Variants in XIST observed in about 807,000 individuals in gnomAD.
The protein encoded by XIST is X inactive specific transcript (non-protein coding).
At chrX:73,848,776 G>T (rs756540703) in exon 1 of XIST, 1 of 557,033 alleles carries the variant, frequency 1.8e-6, no homozygotes, top group Admixed American at 2.2e-5. Flanking sequence ...AACTTGGGTA[G>T]TCAGAACTCA....
At chrX:73,827,741 G>A (rs1302364896) in exon 6 of XIST, 2 of 546,923 alleles carry the variant, frequency 3.7e-6, no homozygotes, top group Non-Finnish European at 3.3e-6. Flanking sequence ...GACCCAAAAA[G>A]GAGACATGAA....
chrX:73,847,657 C>T, exon 1 of XIST: 1 of 522,677 alleles, frequency 1.9e-6, no homozygotes, highest in Non-Finnish European at 3.4e-6. Context: ...CAGTTCTAAT[C>T]AATTAGACAT....
At position 73,843,319 on chromosome X, in the gene XIST, C is replaced by T. The variant is rs369665796; in HGVS notation, n.9405G>A. On this transcript the variant is annotated non_coding_transcript_exon_variant, in exon 1 of 6. Coordinates refer to ENST00000429829, the Ensembl canonical transcript of XIST. ...GGGTCAGTACCCCCGATGTAAGCAA[C>T]GAGGAAGCAGGAGTCTTATCTAATG... 5.6e-5 allele frequency: 31 copies of T among 556,477 alleles called. No individual in the cohort carries two copies. The African/African-American group carries it at 5.6e-4, about 10-fold the overall frequency. 45.9% of individuals were successfully genotyped at this position (556,477 alleles called of 1,213,427 possible).
chrX:73,847,665 C>T (rs1042685438), exon 1 of XIST: 5 of 525,929 alleles, frequency 9.5e-6, no homozygotes, highest in Admixed American at 5.1e-5. Flanking sequence ...ATCAATTAGA[C>T]ATTTGAAATG....
Position 73,844,429 on chromosome X carries a change from CAA to C in XIST, n.8293_8294del, listed in dbSNP as rs752911364. 5.4e-6 allele frequency: 3 copies of C among 556,617 alleles called. No homozygotes were observed. The East Asian group carries it at 9.8e-5, about 18-fold the overall frequency. 45.9% of individuals were successfully genotyped at this position (556,617 alleles called of 1,213,427 possible). ...TACACAAGAATATAGACAAGCCAAG[CAA>C]AGAGGCCTCAGTGATCAGCACCCCA... is the stretch of plus-strand genomic sequence containing the variant. On this transcript the variant is annotated non_coding_transcript_exon_variant, in exon 1 of 6. Transcript: ENST00000429829.
Position 73,828,126 on chromosome X carries a change from T to A in XIST, n.11917-142A>T, listed in dbSNP as rs1044980744. The A allele has an allele frequency of 7.0e-6, 3 of 430,644 alleles. No homozygotes were observed. The African/African-American group carries it at 7.4e-5, about 11-fold the overall frequency. The allele number at this position is 430,644 out of a possible 1,213,427, so 35.5% of individuals were successfully genotyped here. ...CAAAAAGTGTCATTAGTAATTATAA[T>A]AAACTATTGTTACTACGAATACTAC... On this transcript the variant is annotated intron_variant and non_coding_transcript_variant, in intron 5 of 5. Transcript: ENST00000429829.
At chrX:73,831,368 A>C in intron 3 of XIST, 1 of 421,715 alleles carries the variant, frequency 2.4e-6, no homozygotes, top group Non-Finnish European at 4.1e-6. Context: ...CCATATTTTT[A>C]CCCTTTTCTT....
chrX:73,833,448 ATG>A, intron 2 of XIST: 5 of 487,250 alleles, frequency 1.0e-5, no homozygotes, highest in Admixed American at 8.6e-5. Flanking sequence ...AAAAACCCCA[ATG>A]AAAAAAACCT....
At chrX:73,826,055 G>C in exon 6 of XIST, 2 of 558,916 alleles carry the variant, frequency 3.6e-6, no homozygotes, top group Admixed American at 2.2e-5. Flanking sequence ...CTTTGTCCCA[G>C]GCACAGTCAC....
At chrX:73,821,454 A>AAC (rs775801698) in exon 6 of XIST, 1 of 557,289 alleles carries the variant, frequency 1.8e-6, no homozygotes, top group South Asian at 2.2e-5. Context: ...ATTCTTACCT[A>AAC]ACACAAGGTT....
chrX:73,827,419 A>G, exon 6 of XIST: 1 of 552,796 alleles, frequency 1.8e-6, no homozygotes, highest in Non-Finnish European at 3.3e-6. Flanking sequence ...GGGAAGAAGC[A>G]GAGAACAAAT....
At chrX:73,850,758 TGGGGGGTG>T (rs1569512881) in exon 1 of XIST, 1 of 144,536 alleles carries the variant, frequency 6.9e-6, no homozygotes, top group Admixed American at 6.4e-5. Flanking sequence ...TTGGGGGGGT[TGGGGGGTG>T]GGGGGGGAGG....
exon 1 of XIST, chrX:73,842,284 T>A (rs1267040719): frequency 1.8e-6 from 1 of 551,625 alleles, no homozygotes; most frequent in South Asian, 2.3e-5. Context: ...GGCAATCTGC[T>A]CTGGAAAGAA....
rs911118873 is a variant in XIST at position 73,849,082 on chromosome X, A to C, written n.3642T>G. 3 of 557,886 alleles carry C rather than the reference A, an allele frequency of 5.4e-6. No individual in the cohort carries two copies. In the African/African-American group the frequency reaches 6.7e-5, roughly 12 times the overall value. 46.0% of individuals were successfully genotyped at this position (557,886 alleles called of 1,213,427 possible). ...ATGGATAATTGGGATTTTACTCAAT[A>C]ATTTAAGAAACTCTTAAATCTCAGG... On this transcript the variant is annotated non_coding_transcript_exon_variant, in exon 1 of 6. Coordinates refer to ENST00000429829, the Ensembl canonical transcript of XIST.
At chrX:73,844,094 T>A in exon 1 of XIST, 1 of 558,536 alleles carries the variant, frequency 1.8e-6, no homozygotes, top group East Asian at 3.2e-5. Flanking sequence ...GGGCACCCAC[T>A]ATTGAAAAGA....
rs1300268005 is a variant in XIST at position 73,842,917 on chromosome X, G to T, written n.9807C>A. The T allele has an allele frequency of 7.2e-6, 4 of 558,801 alleles. No individual in the cohort carries two copies. The South Asian group carries it at 8.9e-5, about 12-fold the overall frequency. The allele number at this position is 558,801 out of a possible 1,213,427, so 46.1% of individuals were successfully genotyped here. On this transcript the variant is annotated non_coding_transcript_exon_variant, in exon 1 of 6. Transcript: ENST00000429829. The stretch of plus-strand genomic sequence containing the variant: ...GTAAAAAGGGGCCAAGGGCACACAA[G>T]GGGCAGAGAGAGGGAAGACTTCGTA...
chrX:73,845,245 C>A, exon 1 of XIST: 1 of 556,851 alleles, frequency 1.8e-6, no homozygotes, highest in Non-Finnish European at 3.2e-6. Flanking sequence ...GCAGGGGAGG[C>A]TTCCATGTCT....
chrX:73,825,725 G>A (rs1922235132), exon 6 of XIST: 1 of 515,016 alleles, frequency 1.9e-6, no homozygotes, highest in Non-Finnish European at 3.5e-6. Flanking sequence ...CAGAAAAACT[G>A]TGGACCCCTG....
chrX:73,823,638 G>A, exon 6 of XIST: 1 of 558,649 alleles, frequency 1.8e-6, no homozygotes, highest in Non-Finnish European at 3.2e-6. Context: ...CAGCACTTAA[G>A]AAACTGGATG....
Sources: gnomAD v4.1 joint callset for allele counts on GRCh38, gnomAD v4.1.1 for gene constraint, MANE v1.5 for transcripts, NCBI Gene and HGNC (gene_info 2026-07-23, HGNC 2026-07-21) for gene names.